The following PIGL variants were observed in gnomAD, a reference collection of about 807,000 sequenced individuals.
PIGL encodes the protein phosphatidylinositol glycan anchor biosynthesis class L.
In PIGL, 22 loss-of-function variants were observed where a neutral mutation model predicts 31.1. The observed-to-expected ratio is 0.71, with a 90% CI of 0.51 to 1.01. The LOEUF is 1.01. Ranked by LOEUF, PIGL falls within the 50% of genes least tolerant of loss-of-function variation. The pLI, the probability that PIGL is intolerant of heterozygous loss-of-function variation, is 0.00. For missense variants in PIGL, 302 were observed against 315.9 expected, an observed-to-expected ratio of 0.96 and a Z score of 0.33; for synonymous variants, 131 against 117.4, an observed-to-expected ratio of 1.12 and a Z score of -0.75.
In PIGL at chr17:16,217,406, A is replaced by C. The variant is rs1422589303; in HGVS notation, c.180A>C (p.Thr60=). 1.2e-6 allele frequency: 2 copies of C among 1,614,192 alleles called. No individual in the cohort carries two copies. The highest frequency in any genetic ancestry group is 4.5e-5 in the East Asian group (2 of 44,880). ...PDDEAMFFAP[T]VLGLARLRHW... The stretch of plus-strand genomic sequence containing the variant: ...ATGAAGCCATGTTTTTTGCTCCCAC[A>C]GTGCTAGGCTTGGCCCGCCTAAGGC... Residue 60 remains threonine (T), a synonymous_variant, in exon 1 of 7, where the codon ACA becomes ACC. Coordinates refer to ENST00000225609, the MANE Select transcript of PIGL (RefSeq NM_004278.4).
Position 16,320,021 on chromosome 17 carries a change from C to T in PIGL, c.660+2113C>T, listed in dbSNP as rs56326304. 7.7e-4 allele frequency among the ~76,000 whole-genome samples: 115 copies of T among 150,248 alleles called. 1 individual carries two copies. In the South Asian group the frequency reaches 0.024, roughly 31 times the overall value. On this transcript the variant is annotated intron_variant, in intron 6 of 6. Coordinates refer to ENST00000225609, the MANE Select transcript of PIGL (RefSeq NM_004278.4). ...AAGAACCAAGTCGGGGATTGTGGCT[C>T]GTGCCTGTAGTCTCAGCTGCTTGGG...
Position 16,259,954 on chromosome 17 carries a change from G to A in PIGL, c.335+25884G>A, listed in dbSNP as rs1390579286. 3.3e-5 allele frequency among the ~76,000 whole-genome samples: 5 copies of A among 152,198 alleles called. No homozygotes were observed. The East Asian group carries it at 7.7e-4, about 23-fold the overall frequency. ...TGCTCCCACTGCCTGGCCTCTTCCT[G>A]TTCCTGGTGCCCGCTCCAATTTTGG... On this transcript the variant is annotated intron_variant, in intron 2 of 6. Transcript: ENST00000225609.
chr17:16,266,932 T>A (rs2092846950), intron 2 of PIGL, among the ~76,000 whole-genome samples: 1 of 150,532 alleles, frequency 6.6e-6, no homozygotes, highest in Non-Finnish European at 1.5e-5. Flanking sequence ...GTCGTGGAAA[T>A]TAAGTTTATG....
chr17:16,219,600 C>T (rs2092616761), intron 1 of PIGL, among the ~76,000 whole-genome samples: 1 of 151,030 alleles, frequency 6.6e-6, no homozygotes, highest in Admixed American at 6.7e-5. Flanking sequence ...TGGAGTCTCA[C>T]TCTGTCACCC....
chr17:16,259,188 T>C (rs1809429381), intron 2 of PIGL, among the ~76,000 whole-genome samples: 1 of 152,112 alleles, frequency 6.6e-6, no homozygotes, highest in Admixed American at 6.6e-5. Context: ...GTTTCTGTAA[T>C]GGAAGGATGA....
At chr17:16,246,115 G>T (rs1027810503) in intron 2 of PIGL, among the ~76,000 whole-genome samples, 1 of 151,622 alleles carries the variant, frequency 6.6e-6, no homozygotes, top group Non-Finnish European at 1.5e-5. Flanking sequence ...GAGCCACTGC[G>T]CCCGGTCATG....
intron 2 of PIGL, among the ~76,000 whole-genome samples, chr17:16,297,616 G>T (rs1210665868): frequency 2.0e-5 from 3 of 152,150 alleles, no homozygotes; most frequent in Non-Finnish European, 4.4e-5. Flanking sequence ...AGCTGCGTGA[G>T]CTCAGGGGCT....
intron 2 of PIGL, among the ~76,000 whole-genome samples, chr17:16,280,448 C>A (rs1014913875): frequency 1.3e-5 from 2 of 152,174 alleles, no homozygotes; most frequent in Admixed American, 1.3e-4. Context: ...AGCTTACATA[C>A]AGTATTGGGT....
rs760924883 is a variant in PIGL at position 16,293,771 on chromosome 17, A to G, written c.336-6117A>G. ...CATGTACCACCTAAGAAATAGAAGA[A>G]TAAGGCACAGGCCTAGTCTTATATT... On this transcript the variant is annotated intron_variant, in intron 2 of 6. Transcript: ENST00000225609. Among the ~76,000 whole-genome samples, 120 of 152,376 alleles carry G rather than the reference A, an allele frequency of 7.9e-4. 1 individual carries two copies. Among genetic ancestry groups the G allele is most frequent in the South Asian group, 3.5e-3 (17 of 4,832 alleles).
intron 2 of PIGL, chr17:16,283,978 C>CT (rs1210502054): frequency 1.6e-5 from 2 of 123,836 alleles, no homozygotes; most frequent in African/African-American, 2.9e-5. Flanking sequence ...GCTTTTCTTT[C>CT]TTTTTTTTTG....
chr17:16,321,834 G>C (rs2093107375), intron 6 of PIGL, among the ~76,000 whole-genome samples: 1 of 151,572 alleles, frequency 6.6e-6, no homozygotes, highest in Non-Finnish European at 1.5e-5. Flanking sequence ...GCCCAGGCTG[G>C]AGTACAATGG....
At position 16,311,661 on chromosome 17, in the gene PIGL, C is replaced by G. The variant is rs1361686183; in HGVS notation, c.427-1886C>G. On this transcript the variant is annotated intron_variant, in intron 3 of 6. Coordinates refer to ENST00000225609, the MANE Select transcript of PIGL (RefSeq NM_004278.4). ...TTGAGATTAGGGAGTGGTGATGACT[C>G]TTAACGAGCATGCTGCCTTCAAGCA... Among the ~76,000 whole-genome samples the G allele has an allele frequency of 5.2e-4, 77 of 148,628 alleles. 1 individual carries two copies. Among genetic ancestry groups the G allele is most frequent in the African/African-American group, 1.9e-3 (75 of 40,248 alleles).
intron 3 of PIGL, among the ~76,000 whole-genome samples, chr17:16,311,541 A>AG (rs2093050542): frequency 7.4e-6 from 1 of 135,812 alleles, no homozygotes; most frequent in African/African-American, 2.8e-5. Context: ...ACAATAGTGG[A>AG]GGGAAGGTCA....
At chr17:16,290,386 A>C (rs3112510) in intron 2 of PIGL, among the ~76,000 whole-genome samples, 149,799 of 149,994 alleles carry the variant, frequency 1, 74,807 homozygotes, top group Middle Eastern at 1. Flanking sequence ...CCCTTCCTCC[A>C]CTCCTCTTCC....
chr17:16,222,600 C>T (rs1313600126), intron 1 of PIGL, among the ~76,000 whole-genome samples: 1 of 152,012 alleles, frequency 6.6e-6, no homozygotes, highest in Middle Eastern at 3.4e-3. Flanking sequence ...GTTCTAAAAC[C>T]GTTACACCCA....
chr17:16,257,246 G>A (rs1377565524), intron 2 of PIGL, among the ~76,000 whole-genome samples: 5 of 151,482 alleles, frequency 3.3e-5, no homozygotes, highest in African/African-American at 9.7e-5. Flanking sequence ...GTGAAACCCC[G>A]TCTCTACTAA....
At chr17:16,241,673 TGAG>T (rs1434207290) in intron 2 of PIGL, among the ~76,000 whole-genome samples, 1 of 151,884 alleles carries the variant, frequency 6.6e-6, no homozygotes, top group Admixed American at 6.6e-5. Flanking sequence ...CAAACTATAA[TGAG>T]GAGAATTGGA....
At chr17:16,283,006 A>AT (rs34456796) in intron 2 of PIGL, among the ~76,000 whole-genome samples, 2,648 of 146,714 alleles carry the variant, frequency 0.018, 116 homozygotes, top group Admixed American at 0.099. Flanking sequence ...CCAAAAAAGA[A>AT]TTTTTTTTTT....
chr17:16,219,693 G>A (rs1238813775), intron 1 of PIGL, among the ~76,000 whole-genome samples: 3 of 151,822 alleles, frequency 2.0e-5, no homozygotes, highest in East Asian at 1.9e-4. Context: ...TCAGCCTCTC[G>A]AGTAGCTGGG....
Sources: gnomAD v4.1 joint callset for allele counts (sites outside exome capture counted in the v4.1 genomes callset) on GRCh38, gnomAD v4.1.1 for gene constraint, MANE v1.5 for transcripts, NCBI Gene and HGNC (gene_info 2026-07-23, HGNC 2026-07-21) for gene names.